UNC79: variants seen among roughly 807,000 people sequenced by gnomAD.
UNC79 encodes the protein protein unc-79 homolog.
UNC79 carries 37 observed loss-of-function variants against 283.1 expected under a neutral mutation model. The observed-to-expected ratio is 0.13, with a 90% CI of 0.10 to 0.17. The LOEUF (loss-of-function observed/expected upper bound fraction) is 0.17, where lower values mean the gene tolerates loss of function less well. UNC79 is among the 10% of genes least tolerant of loss of function. The pLI is 1.00. For synonymous variants in UNC79, 1,107 were observed against 1,200.2 expected (o/e 0.92, Z 1.61); for missense variants, 2,272 against 3,211.1 (o/e 0.71, Z 7.07).
At chr14:93,618,548 A>G (rs1390695094) in intron 29 of UNC79, among the ~76,000 whole-genome samples, 194 bp downstream of exon 30, 6 of 152,202 alleles carry the variant, frequency 3.9e-5, no homozygotes, top group Non-Finnish European at 7.3e-5. Flanking sequence ...GGAATAAATG[A>G]TGTGCTTCCA....
chr14:93,653,768 G>C (rs981310308), exon 36 of UNC79: 2 of 1,612,748 alleles, frequency 1.2e-6, no homozygotes, highest in Non-Finnish European at 1.7e-6. Context: ...AATGCGGCGG[G>C]GGTGGCCAAG....
chr14:93,597,573 G>A (rs754175768), intron 24 of UNC79, 33 bp downstream of exon 24: 1 of 1,593,516 alleles, frequency 6.3e-7, no homozygotes, highest in Non-Finnish European at 8.5e-7. Context: ...TGCTCCGAAG[G>A]TGGTTTGTGT....
chr14:93,699,119 T>TA (rs891394430), intron 47 of UNC79, among the ~76,000 whole-genome samples: 1 of 152,118 alleles, frequency 6.6e-6, no homozygotes, highest in Non-Finnish European at 1.5e-5. Context: ...ATGTTGCTTT[T>TA]AAAAAAATGC....
intron 33 of UNC79, among the ~76,000 whole-genome samples, chr14:93,643,259 G>A (rs773709688): frequency 2.6e-5 from 4 of 152,160 alleles, no homozygotes; most frequent in Non-Finnish European, 4.4e-5. Flanking sequence ...CAAACTGATG[G>A]CCCAGTTGGT....
chr14:93,387,381 T>C (rs138082111), intron 1 of UNC79, among the ~76,000 whole-genome samples: 178 of 152,316 alleles, frequency 1.2e-3, no homozygotes, highest in African/African-American at 4.1e-3. Flanking sequence ...TGTATAGTTA[T>C]AAACTTCCTT....
At chr14:93,613,328 G>C (rs551061137) in intron 27 of UNC79, among the ~76,000 whole-genome samples, 2 of 152,002 alleles carry the variant, frequency 1.3e-5, no homozygotes, top group South Asian at 4.2e-4. Context: ...GTGTGTGAGA[G>C]AGAGAGAGAG....
chr14:93,491,261 T>C (rs1241342026), intron 5 of UNC79, among the ~76,000 whole-genome samples: 1 of 152,098 alleles, frequency 6.6e-6, no homozygotes, highest in African/African-American at 2.4e-5. Context: ...GTCTGTAGCA[T>C]TCTTTAAGTA....
Position 93,404,493 on chromosome 14 carries a change from A to AAAAAAAAAAAAATATATAT in UNC79, c.-350-63177_-350-63176insAAAAAAAAAAATATATATA. 5.0e-3 allele frequency among the ~76,000 whole-genome samples: 306 copies of AAAAAAAAAAAAATATATAT among 61,442 alleles called. 11 individuals carry two copies. Among genetic ancestry groups the AAAAAAAAAAAAATATATAT allele is most frequent in the Middle Eastern group, 0.013 (1 of 78 alleles). 40.3% of individuals were successfully genotyped at this position (61,442 alleles called of 152,430 possible). A position where few individuals can be genotyped will look rare whatever the true frequency, so the allele number is the denominator to read the frequency against. ...TGACAGAGTGAGACCTTCTAAAAAA[A>AAAAAAAAAAAAATATATAT]ATATATATATATATATATATAAATA... On this transcript the variant is annotated intron_variant, in intron 1 of 49. Transcript: ENST00000256339.
intron 7 of UNC79, among the ~76,000 whole-genome samples, chr14:93,506,759 A>C (rs112506968): frequency 0.018 from 2,695 of 152,246 alleles, 43 homozygotes; most frequent in Middle Eastern, 0.051. Flanking sequence ...TACTTTATTA[A>C]GGTATATTTT....
intron 24 of UNC79, among the ~76,000 whole-genome samples, 198 bp downstream of exon 24, chr14:93,597,738 G>C (rs1698995141): frequency 6.6e-6 from 1 of 152,176 alleles, no homozygotes; most frequent in South Asian, 2.1e-4. Context: ...TGGGGCCTTT[G>C]CTGTGTCTGG....
chr14:93,572,720 T>A (rs750829497), exon 16 of UNC79: 1 of 1,614,062 alleles, frequency 6.2e-7, no homozygotes, highest in Non-Finnish European at 8.5e-7. Flanking sequence ...AACTCTGTCC[T>A]CTGCCTTTCT....
At position 93,460,578 on chromosome 14, in the gene UNC79, TTAA is replaced by T. The variant is rs1471022781; in HGVS notation, c.23-7091_23-7089del. 3.3e-5 allele frequency among the ~76,000 whole-genome samples: 5 copies of T among 151,964 alleles called. No individual in the cohort carries two copies. In the East Asian group the frequency reaches 7.7e-4, roughly 23 times the overall value. ...GATGCTCAAGAGATGTTATTCACAC[TTAA>T]TGATGTATATACTCTGCTGGTATGT... is the stretch of plus-strand genomic sequence containing the variant. On this transcript the variant is annotated intron_variant, in intron 1 of 48. Coordinates refer to ENST00000555664, the Ensembl canonical transcript of UNC79.
chr14:93,450,611 GTTATC>G (rs938420719), intron 1 of UNC79, among the ~76,000 whole-genome samples: 2 of 152,038 alleles, frequency 1.3e-5, no homozygotes, highest in African/African-American at 4.8e-5. Flanking sequence ...TTGCTTCATC[GTTATC>G]TTGTTTCCAG....
chr14:93,593,344 A>G (rs2064831540), intron 22 of UNC79, among the ~76,000 whole-genome samples: 1 of 152,240 alleles, frequency 6.6e-6, no homozygotes, highest in African/African-American at 2.4e-5. Flanking sequence ...GAAAATTTTT[A>G]AAAATCACGT....
At chr14:93,692,951 C>T (rs933308183) in intron 46 of UNC79, among the ~76,000 whole-genome samples, 1 of 152,186 alleles carries the variant, frequency 6.6e-6, no homozygotes, top group Non-Finnish European at 1.5e-5. Flanking sequence ...CCTGGAGGGA[C>T]ACCATAATGA....
At chr14:93,596,282 A>C (rs1243554083) in intron 23 of UNC79, among the ~76,000 whole-genome samples, 1 of 152,242 alleles carries the variant, frequency 6.6e-6, no homozygotes, top group African/African-American at 2.4e-5. Context: ...AGATCAGAGA[A>C]GACTTTACAA....
chr14:93,560,946 G>A (rs1360874328), intron 14 of UNC79, among the ~76,000 whole-genome samples: 1 of 152,098 alleles, frequency 6.6e-6, no homozygotes, highest in Non-Finnish European at 1.5e-5. Flanking sequence ...GAGTGCCCAC[G>A]AGCAACCTTT....
At chr14:93,518,431 T>G (rs2060171602) in intron 7 of UNC79, among the ~76,000 whole-genome samples, 1 of 151,966 alleles carries the variant, frequency 6.6e-6, no homozygotes, top group Non-Finnish European at 1.5e-5. Context: ...TGGTAATTCA[T>G]GAATTTTCAA....
Position 93,542,631 on chromosome 14 carries a change from G to A in UNC79, c.1690G>A (p.Val564Ile), listed in dbSNP as rs138286414. 1,185 of 1,614,222 alleles carry A rather than the reference G, an allele frequency of 7.3e-4. 7 individuals are homozygous for A. In the African/African-American group the frequency reaches 0.014, roughly 18 times the overall value. Residue 564 changes from valine (V) to isoleucine (I), a missense_variant, in exon 14 of 49, where the codon GTA becomes ATA. By Grantham distance (29) the Val-to-Ile change is conservative. Around this residue, in one of 11 missense-constraint regions of UNC79, gnomAD observed 142 missense variants for 230.7 expected, o/e 0.62. Coordinates refer to ENST00000555664, the Ensembl canonical transcript of UNC79. The stretch of plus-strand genomic sequence containing the variant: ...GTTTGTCACCAAATGGCTGAAGACC[G>A]TATGTGATGTTCGCTTCGATGTCAT...
Sources: gnomAD v4.1 joint callset for allele counts (sites outside exome capture counted in the v4.1 genomes callset) on GRCh38, gnomAD v4.1.1 for gene constraint, gnomAD v4.1.1 regional missense constraint, MANE v1.5 for transcripts, NCBI Gene and HGNC (gene_info 2026-07-23, HGNC 2026-07-21) for gene names.